L1CAM: variants seen among roughly 807,000 people sequenced by gnomAD.
The protein encoded by L1CAM is L1 cell adhesion molecule.
L1CAM carries 8 observed loss-of-function variants against 93.0 expected under a neutral mutation model. That is an observed-to-expected ratio of 0.09 (90% CI 0.05 to 0.16). The LOEUF (loss-of-function observed/expected upper bound fraction) is 0.16. Ranked by LOEUF, L1CAM falls within the 10% of genes least tolerant of loss-of-function variation. The pLI is 1.00. For missense variants in L1CAM, 777 were observed against 1,073.4 expected (o/e 0.72, Z 3.86); for synonymous variants, 453 against 453.0 (o/e 1.00, Z 0.00).
In L1CAM at chrX:153,862,256, G is replaced by A. The variant is rs782374909; in HGVS notation, c.*407C>T. ...TCTGTTCCCAGTCCCAGCCAGGCTG[G>A]CTGGGGAGTGGCTGGGGGAGGGGGA... On this transcript the variant is annotated 3_prime_UTR_variant, in exon 29 of 29. Transcript: ENST00000370060. The A allele has an allele frequency of 6.3e-5, 10 of 157,747 alleles. No individual in the cohort carries two copies. In the South Asian group the frequency reaches 2.8e-3, roughly 44 times the overall value. 13.0% of individuals were successfully genotyped at this position (157,747 alleles called of 1,213,427 possible). A position where few individuals can be genotyped will look rare whatever the true frequency, so the allele number is the denominator to read the frequency against.
At chrX:153,872,459 C>T (rs782087077) in intron 4 of L1CAM, 105 bp from the exon 5 acceptor site, 33 of 961,705 alleles carry the variant, frequency 3.4e-5, no homozygotes, top group Middle Eastern at 2.9e-4. Context: ...AGGGGATGGA[C>T]TGGGAGATGG....
chrX:153,864,758 G>A (rs906200634), intron 23 of L1CAM, 54 bp from the exon 24 acceptor site: 2 of 1,210,342 alleles, frequency 1.7e-6, no homozygotes, highest in African/African-American at 3.5e-5. Context: ...GAAGTCTAAG[G>A]CCCTCCCTCC....
At chrX:153,879,504 G>A (rs917995808) in intron 1 of L1CAM, among the ~76,000 whole-genome samples, 4 of 112,159 alleles carry the variant, frequency 3.6e-5, no homozygotes, top group Admixed American at 9.3e-5. Context: ...GGCAAGGGGC[G>A]GGGAGGAGGG....
At chrX:153,871,842 T>G (rs2064772281) in intron 5 of L1CAM, among the ~76,000 whole-genome samples, 1 of 107,448 alleles carries the variant, frequency 9.3e-6, no homozygotes, top group African/African-American at 3.4e-5. Context: ...CCAGAATCAG[T>G]CACTCCCCCC....
intron 3 of L1CAM, 84 bp from the exon 4 acceptor site, chrX:153,872,781 G>A: frequency 1.2e-6 from 1 of 811,666 alleles, no homozygotes; most frequent in Non-Finnish European, 1.9e-6. Context: ...CGTGAGGGAA[G>A]CAGGGTCCAG....
At chrX:153,880,580 G>C in intron 1 of L1CAM, 1 of 333,937 alleles carries the variant, frequency 3.0e-6, no homozygotes, top group Non-Finnish European at 6.0e-6. Flanking sequence ...TTCTGTGCCT[G>C]TTGGTGTGTA....
At position 153,867,858 on chromosome X, in the gene L1CAM, C is replaced by T. The variant is rs2064728726; in HGVS notation, c.1881G>A (p.Thr627=). 3 of 1,210,884 alleles carry T rather than the reference C, an allele frequency of 2.5e-6. No homozygotes were observed. Among genetic ancestry groups the T allele is most frequent in the Non-Finnish European group, 3.4e-6 (3 of 895,328 alleles). Residue 627 remains threonine (T), a synonymous_variant, in exon 16 of 29, where the codon ACG becomes ACA. Coordinates refer to ENST00000370060, the MANE Select transcript of L1CAM (RefSeq NM_001278116.2). The stretch of plus-strand genomic sequence containing the variant: ...TCCAGGACACGCGCACCTGGCTCTG[C>T]GTCAGCAGGTGCAGGTCGGACAGCA... ...RLVLSDLHLL[T]QSQVRVSWSP... is the part of the protein sequence containing the mutation.
chrX:153,868,899 C>T lies in L1CAM; in HGVS notation c.1321G>A (p.Gly441Ser). 2 of 1,211,792 alleles carry T rather than the reference C, an allele frequency of 1.7e-6. No homozygotes were observed. The highest frequency in any genetic ancestry group is 3.5e-5 in the African/African-American group (2 of 57,896). Residue 441 changes from glycine to serine, a missense_variant, in exon 12 of 29, where the codon GGC becomes AGC. Coordinates refer to ENST00000370060, the MANE Select transcript of L1CAM (RefSeq NM_001278116.2). ...TTGCACAGAAGGTAGGCAGTGCTGC[C>T]CTGGACAGCCATGTACGTCTGATTG... ...ADNQTYMAVQ[G>S]STAYLLCKAF... is the part of the protein sequence containing the mutation.
chrX:153,882,094 G>A (rs2064847954), intron 1 of L1CAM, among the ~76,000 whole-genome samples: 1 of 111,032 alleles, frequency 9.0e-6, no homozygotes, highest in Non-Finnish European at 1.9e-5. Flanking sequence ...GGGGGGCGGG[G>A]TGGGGGTGCC....
chrX:153,862,917 C>A, intron 28 of L1CAM, 23 bp from the exon 29 acceptor site: 1 of 1,140,387 alleles, frequency 8.8e-7, no homozygotes, highest in Non-Finnish European at 1.2e-6. Context: ...AGGGCAGGTG[C>A]GAGTGAGAGC....
At chrX:153,884,420 G>T in intron 1 of L1CAM, 1 of 277,880 alleles carries the variant, frequency 3.6e-6, no homozygotes, top group East Asian at 9.9e-5. Context: ...AGGGAGGCTG[G>T]GGCGTGCTGA....
rs1377630804 is a variant in L1CAM, at chrX:153,864,812, C to T, written c.3046+9G>A. 7 of 1,211,043 alleles carry T rather than the reference C, an allele frequency of 5.8e-6. No homozygotes were observed. The highest frequency in any genetic ancestry group is 6.7e-6 in the Non-Finnish European group (6 of 895,294). ...GCCTCCCTGTTGGCAGGTCATTCCT[C>T]CAGCTTACCAGACAAGGCCATAGTG... is the stretch of plus-strand genomic sequence containing the variant. On this transcript the variant is annotated intron_variant, in intron 23 of 28. Coordinates refer to ENST00000370060, the MANE Select transcript of L1CAM (RefSeq NM_001278116.2).
Position 153,871,869 on chromosome X carries a change from C to T in L1CAM, c.400+283G>A, listed in dbSNP as rs1457239962. On this transcript the variant is annotated intron_variant, in intron 5 of 28. Transcript: ENST00000370060. ...ACTCCCCCCACCAGCCCGCCCCCCCCTCCCCCCGCCACCTTCCTGCTCAGC... is the reference window on the plus strand; with the variant it reads ...ACTCCCCCCACCAGCCCGCCCCCCCTTCCCCCCGCCACCTTCCTGCTCAGC... 1.5e-3 allele frequency among the ~76,000 whole-genome samples: 157 copies of T among 103,745 alleles called. 1 individual carries two copies. Among genetic ancestry groups the T allele is most frequent in the Non-Finnish European group, 2.8e-3 (140 of 49,900 alleles). The allele number at this position is 103,745 out of a possible 115,157, so 90.1% of individuals were successfully genotyped here.
chrX:153,873,343 GCC>G, intron 2 of L1CAM, 101 bp from the exon 3 acceptor site: 1 of 875,806 alleles, frequency 1.1e-6, no homozygotes, highest in Non-Finnish European at 1.7e-6. Context: ...AGCTCCTGCA[GCC>G]CCCCCGTGGA....
rs200256008 is a variant in L1CAM, at chrX:153,862,355, G to A, written c.*308C>T. 6.9e-5 allele frequency: 20 copies of A among 291,825 alleles called. No homozygotes were observed. Among genetic ancestry groups the A allele is most frequent in the East Asian group, 1.0e-4 (2 of 19,647 alleles). The allele number at this position is 291,825 out of a possible 1,213,427, so 24.0% of individuals were successfully genotyped here. On this transcript the variant is annotated 3_prime_UTR_variant, in exon 29 of 29. Coordinates refer to ENST00000370060, the MANE Select transcript of L1CAM (RefSeq NM_001278116.2). ...CAGGGAGCAAGAAAGACAGCATTTC[G>A]GAGACCCTTTCGGGCCACCCCTACT...
intron 5 of L1CAM, 81 bp from the exon 6 acceptor site, chrX:153,871,260 T>TGGGGGGGGGGGGGGG: frequency 4.3e-6 from 1 of 232,164 alleles, no homozygotes; most frequent in Admixed American, 5.5e-5. Flanking sequence ...GGCAGGGGGG[T>TGGGGGGGGGGGGGGG]GGCGGGCTAC....
intron 1 of L1CAM, chrX:153,884,598 G>A (rs1208009758): frequency 6.7e-5 from 12 of 178,400 alleles, no homozygotes; most frequent in Non-Finnish European, 1.3e-4. Flanking sequence ...GAAATGACCA[G>A]GAGCCAAGGA....
chrX:153,879,661 C>T (rs1173797797), intron 1 of L1CAM, among the ~76,000 whole-genome samples: 1 of 111,742 alleles, frequency 8.9e-6, no homozygotes, highest in Non-Finnish European at 1.9e-5. Flanking sequence ...GCATCAAGGC[C>T]CTGCCCACTT....
At position 153,862,565 on chromosome X, in the gene L1CAM, TCTC is replaced by T. The variant is rs2064672179; in HGVS notation, c.*95_*97del. 4 of 675,607 alleles carry T rather than the reference TCTC, an allele frequency of 5.9e-6. No homozygotes were observed. The highest frequency in any genetic ancestry group is 6.9e-5 in the Admixed American group (2 of 29,053). 55.7% of individuals were successfully genotyped at this position (675,607 alleles called of 1,213,427 possible). ...AGGAAGGGGATCCGAGGCAGCAAGT[TCTC>T]CTCTGCCCCAACTCCAGCCTCCCAT... On this transcript the variant is annotated 3_prime_UTR_variant, in exon 29 of 29. Transcript: ENST00000370060.
Sources: gnomAD v4.1 joint callset for allele counts (sites outside exome capture counted in the v4.1 genomes callset) on GRCh38, gnomAD v4.1.1 for gene constraint, MANE v1.5 for transcripts, NCBI Gene and HGNC (gene_info 2026-07-23, HGNC 2026-07-21) for gene names.